The following API5 variants were observed in gnomAD, a reference collection of about 807,000 sequenced individuals.
The protein encoded by API5 is FIF.
API5 carries 6 observed loss-of-function variants against 71.9 expected under a neutral mutation model. The ratio of observed to expected loss-of-function variants is 0.08; its 90% CI spans 0.05 to 0.16. The LOEUF is 0.16. API5 is among the 10% of genes least tolerant of loss of function. The pLI is 1.00. For missense variants in API5, 332 were observed against 612.8 expected, an observed-to-expected ratio of 0.54 and a Z score of 4.84; for synonymous variants, 189 against 221.3, an observed-to-expected ratio of 0.85 and a Z score of 1.30.
At position 43,335,295 on chromosome 11, in the gene API5, T is replaced by G; in HGVS notation, c.1296T>G (p.Pro432=). ...NVLIKDLFHI[P]PSYKSTVTLS... is the part of the protein sequence containing the mutation. ...CTCTGCAGGATCTCTTCCACATTCC[T>G]CCTTCTTATAAGAGCACAGTAACAC... The change falls in exon 12 of 14, where the codon CCT becomes CCG. Residue 432 remains proline (P), a synonymous_variant. Transcript: ENST00000531273. The G allele has an allele frequency of 6.2e-7, 1 of 1,606,318 alleles. No homozygotes were observed. The highest frequency in any genetic ancestry group is 8.5e-7 in the Non-Finnish European group (1 of 1,173,360).
intron 1 of API5, among the ~76,000 whole-genome samples, chr11:43,312,653 T>A (rs1372351269): frequency 1.3e-5 from 2 of 151,998 alleles, no homozygotes; most frequent in Non-Finnish European, 2.9e-5. Flanking sequence ...GAGACAGAAG[T>A]TTGTGAGAAA....
chr11:43,330,398 CTG>C, intron 10 of API5, 108 bp from the exon 11 acceptor site: 2 of 839,626 alleles, frequency 2.4e-6, no homozygotes, highest in South Asian at 2.9e-5. Context: ...TCTGTAAAGA[CTG>C]TAGAGGTGAT....
At chr11:43,312,248 G>C (rs768270569) in intron 1 of API5, 52 bp downstream of exon 1, 3 of 1,579,368 alleles carry the variant, frequency 1.9e-6, no homozygotes, top group East Asian at 4.5e-5. Context: ...GCGGCCTTTC[G>C]AAAGCGCTTC....
intron 13 of API5, 144 bp from the exon 14 acceptor site, chr11:43,342,283 TA>T: frequency 1.5e-6 from 1 of 667,676 alleles, no homozygotes; most frequent in Non-Finnish European, 2.5e-6. Context: ...ATGTACAGGC[TA>T]AATTTGTAGA....
At chr11:43,324,708 C>G (rs767608731) in intron 6 of API5, among the ~76,000 whole-genome samples, 2 of 151,914 alleles carry the variant, frequency 1.3e-5, no homozygotes, top group Non-Finnish European at 2.9e-5. Flanking sequence ...GACAGAGTCT[C>G]GCTCCATCCC....
intron 11 of API5, among the ~76,000 whole-genome samples, chr11:43,333,640 CAGAT>C (rs765615585): frequency 9.2e-5 from 14 of 152,188 alleles, no homozygotes; most frequent in South Asian, 4.1e-4. Context: ...TATTGATTAA[CAGAT>C]AGATACATGA....
intron 11 of API5, among the ~76,000 whole-genome samples, chr11:43,331,040 A>G (rs1413194856): frequency 6.6e-6 from 1 of 152,218 alleles, no homozygotes; most frequent in East Asian, 1.9e-4. Flanking sequence ...GTATTATATT[A>G]TACAATACAG....
chr11:43,338,409 A>G (rs1209110946), intron 13 of API5, among the ~76,000 whole-genome samples: 1 of 152,156 alleles, frequency 6.6e-6, no homozygotes, highest in Non-Finnish European at 1.5e-5. Context: ...AAGTTTCCCC[A>G]GTAACCTAAA....
chr11:43,334,754 AT>A (rs1406715084), intron 11 of API5, among the ~76,000 whole-genome samples: 1 of 152,076 alleles, frequency 6.6e-6, no homozygotes, highest in African/African-American at 2.4e-5. Context: ...CTTATTAATA[AT>A]TTATAGATAT....
chr11:43,322,255 T>C (rs1407971495), intron 5 of API5, 119 bp downstream of exon 5: 4 of 955,068 alleles, frequency 4.2e-6, no homozygotes, highest in African/African-American at 1.7e-5. Context: ...ATATATCCCA[T>C]TGGAACCACC....
rs775354048 is a variant in API5 at position 43,320,843 on chromosome 11, A to G, written c.254A>G (p.Glu85Gly). Residue 85 changes from glutamate (E) to glycine (G), a missense_variant, in exon 3 of 14, where the codon GAA becomes GGA. Around this residue, in one of 3 missense-constraint regions of API5, gnomAD observed 127 missense variants for 237.6 expected, o/e 0.53. Transcript: ENST00000531273. ...DVSIRRQAIK[E>G]LPQFATGENL... is the part of the protein sequence containing the mutation. ...CAGATTCGACGTCAAGCAATTAAAG[A>G]ACTGCCTCAATTTGCCACTGGAGAA... 2 of 1,612,156 alleles carry G rather than the reference A, an allele frequency of 1.2e-6. No homozygotes were observed. Among genetic ancestry groups the G allele is most frequent in the South Asian group, 2.2e-5 (2 of 90,958 alleles).
rs1365218394 is a variant in API5 at position 43,335,313 on chromosome 11, A to T, written c.1314A>T (p.Thr438=). 1 of 1,607,504 alleles carries T rather than the reference A, an allele frequency of 6.2e-7. No homozygotes were observed. Among genetic ancestry groups the T allele is most frequent in the Non-Finnish European group, 8.5e-7 (1 of 1,174,410 alleles). The part of the protein sequence containing the change: ...LFHIPPSYKS[T]VTLSWKPVQK... The stretch of plus-strand genomic sequence containing the variant: ...ACATTCCTCCTTCTTATAAGAGCAC[A>T]GTAACACTATCCTGGAAACCTGTAC... Residue 438 remains threonine, a synonymous_variant, in exon 12 of 14, where the codon ACA becomes ACT. Transcript: ENST00000531273.
intron 1 of API5, among the ~76,000 whole-genome samples, chr11:43,316,993 T>G (rs1236953965): frequency 6.6e-6 from 1 of 152,214 alleles, no homozygotes; most frequent in African/African-American, 2.4e-5. Context: ...TTTTTTCACT[T>G]AACATAGCAT....
intron 6 of API5, among the ~76,000 whole-genome samples, chr11:43,325,944 A>AAACG (rs1353287806): frequency 2.0e-5 from 3 of 152,186 alleles, no homozygotes; most frequent in South Asian, 2.1e-4. Flanking sequence ...TTGAGCAGGA[A>AAACG]AACGCCTAGG....
At chr11:43,338,699 G>A (rs537478249) in intron 13 of API5, among the ~76,000 whole-genome samples, 6 of 142,814 alleles carry the variant, frequency 4.2e-5, no homozygotes, top group Non-Finnish European at 6.1e-5. Flanking sequence ...AGATAACTAC[G>A]TCAAATAGTA....
intron 1 of API5, among the ~76,000 whole-genome samples, chr11:43,312,917 A>C (rs1854534371): frequency 6.6e-6 from 1 of 151,680 alleles, no homozygotes; most frequent in Admixed American, 6.6e-5. Flanking sequence ...GACCAGCCTG[A>C]CCCACATGGT....
chr11:43,335,787 A>G, intron 12 of API5, 71 bp from the exon 13 acceptor site: 1 of 1,483,892 alleles, frequency 6.7e-7, no homozygotes, highest in South Asian at 1.4e-5. Context: ...TGATATGCTA[A>G]ATTATAAATG....
At chr11:43,341,857 A>C (rs1418979874) in intron 13 of API5, among the ~76,000 whole-genome samples, 1 of 152,156 alleles carries the variant, frequency 6.6e-6, no homozygotes, top group Non-Finnish European at 1.5e-5. Flanking sequence ...TGAAGAATTA[A>C]GTTTTTTAAA....
intron 10 of API5, 83 bp downstream of exon 10, chr11:43,330,141 C>G (rs1487764302): frequency 1.9e-6 from 2 of 1,080,912 alleles, no homozygotes; most frequent in South Asian, 1.4e-5. Context: ...TTCATTTTCC[C>G]TTATCTCACC....
Sources: gnomAD v4.1 joint callset for allele counts (sites outside exome capture counted in the v4.1 genomes callset) on GRCh38, gnomAD v4.1.1 for gene constraint, gnomAD v4.1.1 regional missense constraint, MANE v1.5 for transcripts, NCBI Gene and HGNC (gene_info 2026-07-23, HGNC 2026-07-21) for gene names.